The following HDAC4 variants were observed in gnomAD, a reference collection of about 807,000 sequenced individuals.
The protein encoded by HDAC4 is histone deacetylase A.
A neutral mutation model predicts 135.1 loss-of-function variants in HDAC4; 16 were observed. That is an observed-to-expected ratio of 0.12 (90% CI 0.08 to 0.18). HDAC4 has a LOEUF of 0.18. Ranked by LOEUF, HDAC4 falls within the 10% of genes least tolerant of loss-of-function variation. HDAC4 has a pLI of 1.00. For missense variants in HDAC4, 1,143 were observed against 1,511.8 expected (o/e 0.76, Z 4.05); for synonymous variants, 685 against 653.4 (o/e 1.05, Z -0.74).
intron 11 of HDAC4, among the ~76,000 whole-genome samples, chr2:239,131,298 G>A (rs1184319436): frequency 6.6e-6 from 1 of 152,204 alleles, no homozygotes; most frequent in Non-Finnish European, 1.5e-5. Flanking sequence ...AAGCATTTGT[G>A]GCTGGAGGGC....
chr2:239,104,796 A>G (rs1037973873), intron 15 of HDAC4, among the ~76,000 whole-genome samples: 2 of 152,286 alleles, frequency 1.3e-5, no homozygotes, highest in African/African-American at 4.8e-5. Context: ...TTGCAGAAAG[A>G]GAGATCTGAC....
intron 22 of HDAC4, among the ~76,000 whole-genome samples, chr2:239,080,308 C>T (rs1272225058): frequency 6.6e-6 from 1 of 152,254 alleles, no homozygotes; most frequent in Non-Finnish European, 1.5e-5. Flanking sequence ...GGGGCTTTGA[C>T]ACCATACTGA....
At chr2:239,131,923 A>C (rs2040612562) in intron 11 of HDAC4, among the ~76,000 whole-genome samples, 1 of 152,310 alleles carries the variant, frequency 6.6e-6, no homozygotes, top group Admixed American at 6.5e-5. Context: ...GCCTTCAAGG[A>C]GAGTCCGGTG....
At chr2:239,255,347 C>T (rs957595208) in intron 2 of HDAC4, among the ~76,000 whole-genome samples, 6 of 151,838 alleles carry the variant, frequency 4.0e-5, no homozygotes, top group African/African-American at 1.2e-4. Flanking sequence ...CTGTTTAAAA[C>T]ACCTGGTTGG....
chr2:239,261,443 C>T (rs2125097497), intron 2 of HDAC4, among the ~76,000 whole-genome samples: 1 of 152,268 alleles, frequency 6.6e-6, no homozygotes, highest in South Asian at 2.1e-4. Context: ...CGTGGCAGGC[C>T]TGGGCTCTGG....
intron 3 of HDAC4, among the ~76,000 whole-genome samples, chr2:239,202,066 G>A (rs942361077): frequency 2.6e-5 from 4 of 152,162 alleles, no homozygotes; most frequent in Admixed American, 2.0e-4. Flanking sequence ...GGGCTTCTCC[G>A]GGTCTGCTGG....
At chr2:239,103,355 G>A (rs1309881244) in intron 15 of HDAC4, among the ~76,000 whole-genome samples, 1 of 152,190 alleles carries the variant, frequency 6.6e-6, no homozygotes, top group Non-Finnish European at 1.5e-5. Flanking sequence ...AGCTGCCAGG[G>A]TCTGGCATCT....
At chr2:239,135,529 G>T (rs1292767620) in intron 9 of HDAC4, among the ~76,000 whole-genome samples, 1 of 152,250 alleles carries the variant, frequency 6.6e-6, no homozygotes, top group Non-Finnish European at 1.5e-5. Context: ...TTGGCCTAGA[G>T]GAACGGCGAA....
upstream of HDAC4, among the ~76,000 whole-genome samples, chr2:239,401,243 G>T (rs1319400404): frequency 1.3e-5 from 2 of 150,940 alleles, no homozygotes; most frequent in Non-Finnish European, 3.0e-5. Context: ...TGAAACCTGC[G>T]CACAGCCCGT....
chr2:239,176,401 G>C lies in HDAC4; in HGVS notation c.490+12C>G. ...TCCCTCCCTCTGCCTGGCCTTCCGT[G>C]CCCACACTCACTCTCTTTGCCCTTC... On this transcript the variant is annotated intron_variant, in intron 5 of 26. Transcript: ENST00000543185. 1 of 1,585,816 alleles carries C rather than the reference G, an allele frequency of 6.3e-7. No individual in the cohort carries two copies. The highest frequency in any genetic ancestry group is 8.6e-7 in the Non-Finnish European group (1 of 1,165,270).
chr2:239,376,579 C>T (rs1329950136), intron 1 of HDAC4, among the ~76,000 whole-genome samples: 4 of 152,250 alleles, frequency 2.6e-5, no homozygotes, highest in Non-Finnish European at 5.9e-5. Context: ...CCTGGCCACA[C>T]CACACACACC....
intron 4 of HDAC4, chr2:239,187,097 C>G (rs1477186323): frequency 6.5e-6 from 1 of 152,676 alleles, no homozygotes; most frequent in African/African-American, 2.4e-5. Context: ...GGTGCAGTGA[C>G]AACAGGAAAA....
At position 239,111,447 on chromosome 2, in the gene HDAC4, T is replaced by C; in HGVS notation, c.1978+79A>G. On this transcript the variant is annotated intron_variant, in intron 14 of 26. Transcript: ENST00000543185. ...AGCCCCTCCTCAGCCTCTGCAGAGC[T>C]GGGCCGGGAAGAGCCCCCCGCGCTG... 6 of 1,407,562 alleles carry C rather than the reference T, an allele frequency of 4.3e-6. No homozygotes were observed. The South Asian group carries it at 5.0e-5, about 12-fold the overall frequency. 87.2% of individuals were successfully genotyped at this position (1,407,562 alleles called of 1,614,324 possible).
At chr2:239,101,942 G>A (rs55900015) in intron 16 of HDAC4, among the ~76,000 whole-genome samples, 2 of 144,602 alleles carry the variant, frequency 1.4e-5, no homozygotes, top group African/African-American at 2.6e-5. Flanking sequence ...TGCCCTGGAC[G>A]CTCCCCGCCC....
intron 2 of HDAC4, among the ~76,000 whole-genome samples, chr2:239,263,788 C>G (rs1270462112): frequency 6.6e-6 from 1 of 152,194 alleles, no homozygotes; most frequent in African/African-American, 2.4e-5. Context: ...CCTGGGCATG[C>G]AGAGCAAGCC....
intron 15 of HDAC4, among the ~76,000 whole-genome samples, chr2:239,103,947 C>T (rs905995357): frequency 3.3e-5 from 5 of 152,274 alleles, no homozygotes; most frequent in African/African-American, 7.2e-5. Context: ...AGGGCAGGTG[C>T]GCTGGGCAGG....
intron 5 of HDAC4, among the ~76,000 whole-genome samples, 194 bp from the exon 6 acceptor site, chr2:239,164,117 G>T (rs191254144): frequency 6.6e-6 from 1 of 152,268 alleles, no homozygotes; most frequent in African/African-American, 2.4e-5. Flanking sequence ...TTCCCATCAA[G>T]ATTTTACATC....
intron 23 of HDAC4, 27 bp from the exon 24 acceptor site, chr2:239,066,882 T>C (rs1335894927): frequency 8.1e-6 from 13 of 1,607,376 alleles, no homozygotes; most frequent in Non-Finnish European, 1.1e-5. Context: ...GAGACTGCAG[T>C]GTGAACGGGG....
chr2:239,109,950 G>C (rs2038518821), intron 14 of HDAC4, among the ~76,000 whole-genome samples: 1 of 152,200 alleles, frequency 6.6e-6, no homozygotes, highest in Non-Finnish European at 1.5e-5. Context: ...GTAGAGAGAT[G>C]GAGAAGCGGC....
Sources: gnomAD v4.1 joint callset for allele counts (sites outside exome capture counted in the v4.1 genomes callset) on GRCh38, gnomAD v4.1.1 for gene constraint, MANE v1.5 for transcripts, NCBI Gene and HGNC (gene_info 2026-07-23, HGNC 2026-07-21) for gene names.